PCDH15: variants seen among roughly 807,000 people sequenced by gnomAD.
PCDH15 encodes the protein protocadherin-15.
A neutral mutation model predicts 178.5 loss-of-function variants in PCDH15; 129 were observed. The observed-to-expected ratio is 0.72, with a 90% CI of 0.63 to 0.84. The LOEUF (loss-of-function observed/expected upper bound fraction) is 0.84. Ranked by LOEUF, PCDH15 falls within the 40% of genes least tolerant of loss-of-function variation. The probability of loss-of-function intolerance (pLI) is 0.00; values close to 1 mark genes in which losing one functional copy is unlikely to be tolerated. For missense variants in PCDH15, 2,230 were observed against 2,099.9 expected (o/e 1.06, Z -1.21); for synonymous variants, 800 against 732.0 (o/e 1.09, Z -1.50).
chr10:54,268,978 A>C (rs185655467), intron 8 of PCDH15, among the ~76,000 whole-genome samples: 1 of 151,942 alleles, frequency 6.6e-6, no homozygotes, highest in African/African-American at 2.4e-5. Flanking sequence ...AGAACCTGAC[A>C]TTTCTTTCCT....
At chr10:54,049,424 G>A (rs1157172377) in intron 18 of PCDH15, among the ~76,000 whole-genome samples, 1 of 152,144 alleles carries the variant, frequency 6.6e-6, no homozygotes, top group Non-Finnish European at 1.5e-5. Context: ...AGGGGTTAGA[G>A]TAGGCATCCT....
chr10:55,036,686 TA>T (rs1170801266), intron 2 of PCDH15, among the ~76,000 whole-genome samples: 1 of 152,188 alleles, frequency 6.6e-6, no homozygotes, highest in Non-Finnish European at 1.5e-5. Context: ...TGACAAAGAA[TA>T]TTTGTCCTCA....
chr10:55,085,620 A>C (rs992143234), intron 2 of PCDH15, among the ~76,000 whole-genome samples: 1 of 151,850 alleles, frequency 6.6e-6, no homozygotes. Context: ...ATATACATCT[A>C]CTACATACCC....
At chr10:54,404,762 G>T (rs1315762363) in intron 3 of PCDH15, among the ~76,000 whole-genome samples, 7 of 151,904 alleles carry the variant, frequency 4.6e-5, no homozygotes, top group Non-Finnish European at 1.5e-5. Context: ...TTTGACAAAG[G>T]TCTAATATTC....
intron 2 of PCDH15, among the ~76,000 whole-genome samples, chr10:54,951,317 C>A (rs1838332199): frequency 6.6e-6 from 1 of 151,894 alleles, no homozygotes; most frequent in Non-Finnish European, 1.5e-5. Context: ...TGGGATCAAA[C>A]AGTAGGTGGC....
chr10:54,886,333 A>G (rs754648828), intron 3 of PCDH15, among the ~76,000 whole-genome samples: 2 of 152,206 alleles, frequency 1.3e-5, no homozygotes, highest in East Asian at 3.9e-4. Context: ...GAGATAAAAG[A>G]CTTTTTGGCA....
At chr10:54,367,610 A>C (rs1266194864) in intron 5 of PCDH15, among the ~76,000 whole-genome samples, 1 of 151,912 alleles carries the variant, frequency 6.6e-6, no homozygotes, top group Non-Finnish European at 1.5e-5. Flanking sequence ...GAACAATGAG[A>C]ACACCTGGAC....
intron 12 of PCDH15, among the ~76,000 whole-genome samples, chr10:54,184,293 A>T (rs1591023404): frequency 6.6e-6 from 1 of 152,280 alleles, no homozygotes; most frequent in East Asian, 1.9e-4. Context: ...TTCTCCAGAA[A>T]TAATTTCTAC....
At chr10:54,436,139 AAG>A (rs1375781431) in intron 3 of PCDH15, among the ~76,000 whole-genome samples, 1 of 149,238 alleles carries the variant, frequency 6.7e-6, no homozygotes. Context: ...AAGAAAAAGA[AAG>A]AAAGAAAGGA....
chr10:53,942,951 A>G (rs1161787351), intron 23 of PCDH15, among the ~76,000 whole-genome samples: 1 of 152,208 alleles, frequency 6.6e-6, no homozygotes, highest in Non-Finnish European at 1.5e-5. Context: ...AGATCAAGAT[A>G]CATACTACTT....
At chr10:55,095,609 C>T (rs1333604923) in intron 2 of PCDH15, among the ~76,000 whole-genome samples, 3 of 151,984 alleles carry the variant, frequency 2.0e-5, no homozygotes, top group East Asian at 1.9e-4. Context: ...AACTATTTTA[C>T]AATTTCCCAG....
chr10:54,206,048 A>C (rs558926562), intron 10 of PCDH15, among the ~76,000 whole-genome samples: 27 of 152,236 alleles, frequency 1.8e-4, no homozygotes, highest in African/African-American at 6.3e-4. Flanking sequence ...TAATACTGAC[A>C]CATTTCACAC....
At chr10:54,442,231 A>G (rs1277333401) in intron 3 of PCDH15, among the ~76,000 whole-genome samples, 1 of 150,272 alleles carries the variant, frequency 6.7e-6, no homozygotes, top group East Asian at 2.0e-4. Flanking sequence ...GTGAGGGTAA[A>G]GTGTAAGTAC....
rs192664046 is a variant in PCDH15, at chr10:54,168,479, T to C, written c.1590+14965A>G. Reference sequence around the variant, plus strand: ...TAGGTCCCAATTCTTCCTCAGCCTCTGCTCCTCCACCCTATAATCTTTTTA... The same window carrying C: ...TAGGTCCCAATTCTTCCTCAGCCTCCGCTCCTCCACCCTATAATCTTTTTA... On this transcript the variant is annotated intron_variant, in intron 13 of 37. Transcript: ENST00000644397. 7.3e-4 allele frequency among the ~76,000 whole-genome samples: 111 copies of C among 151,194 alleles called. 1 individual carries two copies. Among genetic ancestry groups the C allele is most frequent in the Non-Finnish European group, 7.4e-4 (50 of 67,978 alleles).
chr10:54,712,502 A>T (rs140794088), intron 1 of PCDH15, among the ~76,000 whole-genome samples: 3 of 152,036 alleles, frequency 2.0e-5, no homozygotes, highest in African/African-American at 7.2e-5. Context: ...AAAAAGTTTG[A>T]GTGCTATAGA....
At chr10:54,442,397 A>AG (rs1464586382) in intron 3 of PCDH15, among the ~76,000 whole-genome samples, 5 of 116,856 alleles carry the variant, frequency 4.3e-5, no homozygotes, top group African/African-American at 1.7e-4. Context: ...TTTTAAAAAA[A>AG]AAAAAGGCCT....
chr10:54,336,101 GGAGATGATTTAGGTTATTTGGT>G (rs1941062909), intron 6 of PCDH15, among the ~76,000 whole-genome samples: 1 of 152,074 alleles, frequency 6.6e-6, no homozygotes, highest in Admixed American at 6.6e-5. Context: ...TGAATTTGAG[GGAGATGATTTAGGTTATTTGGT>G]GACATAAGTT....
intron 3 of PCDH15, among the ~76,000 whole-genome samples, chr10:54,492,296 A>G (rs2079672287): frequency 6.6e-6 from 1 of 152,180 alleles, no homozygotes; most frequent in African/African-American, 2.4e-5. Context: ...TGAGACATTC[A>G]AGAGTCAAAG....
chr10:55,005,689 T>TTAGC, intron 2 of PCDH15, among the ~76,000 whole-genome samples: 1 of 152,276 alleles, frequency 6.6e-6, no homozygotes, highest in East Asian at 1.9e-4. Flanking sequence ...CTTGGTGTCA[T>TTAGC]TAGCGCTAAT....
Sources: allele counts gnomAD v4.1 joint callset (sites outside exome capture counted in the v4.1 genomes callset), GRCh38; gene constraint gnomAD v4.1.1; transcripts MANE v1.5; gene names NCBI Gene and HGNC (gene_info 2026-07-23, HGNC 2026-07-21).